The following MED1 variants were observed in gnomAD, a reference collection of about 807,000 sequenced individuals.
MED1 encodes the protein mediator complex subunit 1, also known as mediator of RNA polymerase II transcription subunit 1.
A neutral mutation model predicts 121.3 loss-of-function variants in MED1; 17 were observed. The observed-to-expected ratio is 0.14, with a 90% CI of 0.10 to 0.21. The LOEUF (loss-of-function observed/expected upper bound fraction) is 0.21. Ranked by LOEUF, MED1 falls within the 10% of genes least tolerant of loss-of-function variation. The pLI is 1.00. For missense variants in MED1, 1,558 were observed against 1,919.4 expected (o/e 0.81, Z 3.52); for synonymous variants, 661 against 694.4 (o/e 0.95, Z 0.76).
intron 1 of MED1, among the ~76,000 whole-genome samples, chr17:39,448,429 C>A (rs2048749692): frequency 1.3e-5 from 2 of 151,224 alleles, no homozygotes; most frequent in African/African-American, 4.9e-5. Context: ...GTAGTCAGTC[C>A]CCAGCTACTC....
At chr17:39,413,153 C>T (rs917113015) in intron 16 of MED1, among the ~76,000 whole-genome samples, 4 of 152,098 alleles carry the variant, frequency 2.6e-5, no homozygotes, top group African/African-American at 9.7e-5. Flanking sequence ...CGGCTCACTG[C>T]AGCCTCCGCC....
chr17:39,440,373 C>T lies in MED1; in HGVS notation c.399+13G>A, dbSNP rs964557097. The T allele has an allele frequency of 2.6e-6, 4 of 1,546,720 alleles. No homozygotes were observed. The South Asian group carries it at 5.0e-5, about 19-fold the overall frequency. On this transcript the variant is annotated intron_variant, in intron 5 of 16. Coordinates refer to ENST00000300651, the MANE Select transcript of MED1 (RefSeq NM_004774.4). This position sits in a 1 kb window ranked among gnomAD's most constrained non-coding sequence, Gnocchi z 4.1. ...AACCCCACAGATTCCAGTGAAATAT[C>T]AACAACACATACCACAGGATTCTCC... is the stretch of plus-strand genomic sequence containing the variant.
chr17:39,409,770 C>T lies in MED1; in HGVS notation c.2451G>A (p.Gln817=). 6.2e-7 allele frequency: 1 copy of T among 1,614,170 alleles called. No individual in the cohort carries two copies. The highest frequency in any genetic ancestry group is 8.5e-7 in the Non-Finnish European group (1 of 1,180,026). ...AGACATCAGAGTCAAACAGGGTACT[C>T]TGAGAATGCCCAGAGCTTGAAGAAT... is the stretch of plus-strand genomic sequence containing the variant. The part of the protein sequence containing the change: ...LRDSSSSGHS[Q]STLFDSDVFQ... The change falls in exon 17 of 17, where the codon CAG becomes CAA. Residue 817 remains glutamine, a synonymous_variant. Transcript: ENST00000300651.
At position 39,415,041 on chromosome 17, in the gene MED1, G is replaced by A. The variant is rs1208273549; in HGVS notation, c.1484C>T (p.Ala495Val). The A allele has an allele frequency of 6.2e-7, 1 of 1,613,952 alleles. No individual in the cohort carries two copies. Among genetic ancestry groups the A allele is most frequent in the South Asian group, 1.1e-5 (1 of 91,062 alleles). ...CCAAGGCTACCTTTGAACAACTTTG[G>A]CAATGAAGTCATCTGTGCAGATCAG... Reference protein sequence around the residue: ...DALICTDDFIAKVVQRCMSIP... With the variant: ...DALICTDDFIVKVVQRCMSIP... Residue 495 changes from alanine (A) to valine (V), a missense_variant, in exon 16 of 17, where the codon GCC (alanine) becomes GTC (valine). Around this residue, in one of 5 missense-constraint regions of MED1, gnomAD observed 50 missense variants for 134.5 expected, o/e 0.37. Coordinates refer to ENST00000300651, the MANE Select transcript of MED1 (RefSeq NM_004774.4).
At chr17:39,442,344 T>A (rs1490189124) in intron 3 of MED1, among the ~76,000 whole-genome samples, 1 of 152,084 alleles carries the variant, frequency 6.6e-6, no homozygotes, top group East Asian at 1.9e-4. Context: ...ACGCCTGTAA[T>A]CCCAGCAATT....
chr17:39,406,366 G>T lies in MED1; in HGVS notation c.*1109C>A. On this transcript the variant is annotated 3_prime_UTR_variant, in exon 17 of 17. Transcript: ENST00000300651. The stretch of plus-strand genomic sequence containing the variant: ...CTTCTCCTTGTGATGAAGAGAAACA[G>T]TGAGTCCAGCTCTTAGGAATGGCAT... The T allele has an allele frequency of 1.0e-6, 1 of 985,586 alleles. No individual in the cohort carries two copies. The highest frequency in any genetic ancestry group is 5.2e-4 in the Middle Eastern group (1 of 1,914). 61.1% of individuals were successfully genotyped at this position (985,586 alleles called of 1,614,324 possible).
In MED1 at chr17:39,408,872, T is replaced by G; in HGVS notation, c.3349A>C (p.Ser1117Arg). 1 of 1,614,180 alleles carries G rather than the reference T, an allele frequency of 6.2e-7. No individual in the cohort carries two copies. The highest frequency in any genetic ancestry group is 8.5e-7 in the Non-Finnish European group (1 of 1,180,046). The stretch of plus-strand genomic sequence containing the variant: ...GAACTTGATGAACCTTCTGATTTAC[T>G]GCTTTTCATCTTCCCTGAGGTGGAA... Reference protein sequence around the residue: ...SASTSGKMKSSKSEGSSSSKL... With the variant: ...SASTSGKMKSRKSEGSSSSKL... The change falls in exon 17 of 17, where the codon AGT becomes CGT. Residue 1117 changes from serine (S) to arginine (R), a missense_variant. This residue lies in a region of MED1 where 793 missense variants were observed against 898.2 expected (regional missense o/e 0.88). Coordinates refer to ENST00000300651, the MANE Select transcript of MED1 (RefSeq NM_004774.4). This position sits in a 1 kb window ranked among gnomAD's most constrained non-coding sequence, Gnocchi z 4.7.
chr17:39,408,729 G>A lies in MED1; in HGVS notation c.3492C>T (p.Ser1164=), dbSNP rs765891123. 1 of 1,614,194 alleles carries A rather than the reference G, an allele frequency of 6.2e-7. No individual in the cohort carries two copies. Among genetic ancestry groups the A allele is most frequent in the South Asian group, 1.1e-5 (1 of 91,084 alleles). The change falls in exon 17 of 17, where the codon AGC becomes AGT. Residue 1164 remains serine (S), a synonymous_variant. Coordinates refer to ENST00000300651, the MANE Select transcript of MED1 (RefSeq NM_004774.4). This position sits in a 1 kb window ranked among gnomAD's most constrained non-coding sequence, Gnocchi z 4.7. The part of the protein sequence containing the change: ...GSSPITKHGL[S]SGSSSTKMKP... ...TCATCTTGGTGCTGCTAGAGCCACTGCTCAGTCCATGCTTGGTTATGGGAG... is the reference window on the plus strand; with the variant it reads ...TCATCTTGGTGCTGCTAGAGCCACTACTCAGTCCATGCTTGGTTATGGGAG...
In MED1 at chr17:39,408,348, T is replaced by C. The variant is rs770239066; in HGVS notation, c.3873A>G (p.Lys1291=). ...TCTTGTTTCTGCTGGGAGATTTTCCTTTAGAACTCCCATGCTGGTTCTGAG... is the reference window on the plus strand; with the variant it reads ...TCTTGTTTCTGCTGGGAGATTTTCCCTTAGAACTCCCATGCTGGTTCTGAG... ...SSSQNQHGSS[K]GKSPSRNKKP... Residue 1291 remains lysine (K), a synonymous_variant, in exon 17 of 17, where the codon AAA becomes AAG. Transcript: ENST00000300651. This position sits in a 1 kb window ranked among gnomAD's most constrained non-coding sequence, Gnocchi z 4.7. 3.1e-6 allele frequency: 5 copies of C among 1,614,056 alleles called. No homozygotes were observed. The highest frequency in any genetic ancestry group is 1.7e-5 in the Admixed American group (1 of 59,998).
At chr17:39,429,567 G>A (rs376405524) in intron 9 of MED1, among the ~76,000 whole-genome samples, 8 of 151,378 alleles carry the variant, frequency 5.3e-5, no homozygotes, top group South Asian at 2.1e-4. Context: ...ACGGTGGCAC[G>A]TGCCTGTAAT....
chr17:39,430,506 G>A (rs1298250228), intron 9 of MED1, among the ~76,000 whole-genome samples: 1 of 149,238 alleles, frequency 6.7e-6, no homozygotes, highest in Non-Finnish European at 1.5e-5. Flanking sequence ...CCTGGCTAAC[G>A]CTGTGAAACC....
chr17:39,433,002 G>A (rs190589488), intron 7 of MED1, among the ~76,000 whole-genome samples: 1 of 152,176 alleles, frequency 6.6e-6, no homozygotes, highest in East Asian at 1.9e-4. Flanking sequence ...TCAGGAGTTC[G>A]AGACCAGCCT....
Position 39,431,208 on chromosome 17 carries a change from T to C in MED1, c.576-20A>G. 1 of 1,580,956 alleles carries C rather than the reference T, an allele frequency of 6.3e-7. No homozygotes were observed. Among genetic ancestry groups the C allele is most frequent in the Non-Finnish European group, 8.7e-7 (1 of 1,150,228 alleles). ...GCTTTCCTGTAAGACAAGTGATCTATGTTTGCTTATATTTAATCCCTGATG... is the reference window on the plus strand; with the variant it reads ...GCTTTCCTGTAAGACAAGTGATCTACGTTTGCTTATATTTAATCCCTGATG... On this transcript the variant is annotated intron_variant, in intron 8 of 16. Coordinates refer to ENST00000300651, the MANE Select transcript of MED1 (RefSeq NM_004774.4).
Position 39,410,117 on chromosome 17 carries a change from G to A in MED1, c.2104C>T (p.His702Tyr). ...SSRLPPEKPK[H>Y]QTEDDFQREL... ...CTCTGAAAGTCATCTTCAGTCTGGT[G>A]CTTTGGTTTCTCAGGTGGTAATCTT... is the stretch of plus-strand genomic sequence containing the variant. Residue 702 changes from histidine to tyrosine, a missense_variant, in exon 17 of 17, where the codon CAC becomes TAC. Coordinates refer to ENST00000300651, the MANE Select transcript of MED1 (RefSeq NM_004774.4). 1 of 1,614,112 alleles carries A rather than the reference G, an allele frequency of 6.2e-7. No individual in the cohort carries two copies. The highest frequency in any genetic ancestry group is 8.5e-7 in the Non-Finnish European group (1 of 1,180,016).
intron 14 of MED1, 28 bp downstream of exon 14, chr17:39,419,689 A>C (rs370636940): frequency 6.3e-6 from 10 of 1,576,602 alleles, no homozygotes; most frequent in South Asian, 1.1e-5. Context: ...TCCATCTTCC[A>C]GTAAGCATAT....
chr17:39,410,905 A>G (rs1341635118), intron 16 of MED1, among the ~76,000 whole-genome samples, 184 bp from the exon 17 acceptor site: 15 of 152,234 alleles, frequency 9.9e-5, no homozygotes, highest in Non-Finnish European at 2.1e-4. Flanking sequence ...ATCTAACCCA[A>G]CATAAAATTG....
In MED1 at chr17:39,415,140, C is replaced by A. The variant is rs2048397297; in HGVS notation, c.1394-9G>T. 6.2e-7 allele frequency: 1 copy of A among 1,613,250 alleles called. No homozygotes were observed. The highest frequency in any genetic ancestry group is 2.2e-5 in the East Asian group (1 of 44,862). ...CTGCACATCCATTACCACTGAAAGA[C>A]AAAATACATAGGAAATTGTTTTAGA... On this transcript the variant is annotated splice_polypyrimidine_tract_variant and intron_variant, in intron 15 of 16. Coordinates refer to ENST00000300651, the MANE Select transcript of MED1 (RefSeq NM_004774.4).
intron 14 of MED1, among the ~76,000 whole-genome samples, chr17:39,415,548 G>A (rs938957311): frequency 1.3e-5 from 2 of 151,912 alleles, no homozygotes; most frequent in African/African-American, 2.4e-5. Context: ...CAGTGGCTCA[G>A]GCCTGTAATC....
Position 39,409,508 on chromosome 17 carries a change from T to C in MED1, c.2713A>G (p.Thr905Ala). Residue 905 changes from threonine to alanine, a missense_variant, in exon 17 of 17, where the codon ACT (threonine) becomes GCT (alanine). This residue lies in a region of MED1 where 793 missense variants were observed against 898.2 expected (regional missense o/e 0.88). Transcript: ENST00000300651. ...CCTCCAAGCATTGGCACCCCCAAAG[T>C]ATTTAGTGCCTGAGATGCAAATCCT... ...FKGFASQALN[T>A]LGVPMLGGDN... The C allele has an allele frequency of 6.2e-7, 1 of 1,614,170 alleles. No individual in the cohort carries two copies. Among genetic ancestry groups the C allele is most frequent in the Non-Finnish European group, 8.5e-7 (1 of 1,180,032 alleles).
Sources: gnomAD v4.1 joint callset for allele counts (sites outside exome capture counted in the v4.1 genomes callset) on GRCh38, gnomAD v4.1.1 for gene constraint, gnomAD v4.1.1 regional missense constraint, Gnocchi (gnomAD v3.1) non-coding constraint, MANE v1.5 for transcripts, NCBI Gene and HGNC (gene_info 2026-07-23, HGNC 2026-07-21) for gene names.